NTNG1: variants seen among roughly 807,000 people sequenced by gnomAD.
The protein encoded by NTNG1 is netrin G1.
In NTNG1, 16 loss-of-function variants were observed where a neutral mutation model predicts 54.0. The ratio of observed to expected loss-of-function variants is 0.30; its 90% CI spans 0.20 to 0.45. NTNG1 has a LOEUF of 0.45. NTNG1 is among the 20% of genes least tolerant of loss of function. The probability of loss-of-function intolerance (pLI) is 1.00; values close to 1 mark genes in which losing one functional copy is unlikely to be tolerated. For synonymous variants in NTNG1, 255 were observed against 263.1 expected, an observed-to-expected ratio of 0.97 and a Z score of 0.30; for missense variants, 530 against 678.7, an observed-to-expected ratio of 0.78 and a Z score of 2.43.
rs1025503393 is a variant in NTNG1, at chr1:107,484,065, A to C, written c.*3225A>C. 6.6e-6 allele frequency among the ~76,000 whole-genome samples: 1 copy of C among 152,150 alleles called. No homozygotes were observed. Among genetic ancestry groups the C allele is most frequent in the Non-Finnish European group, 1.5e-5 (1 of 68,030 alleles). On this transcript the variant is annotated 3_prime_UTR_variant, in exon 8 of 8. Coordinates refer to ENST00000370068, the MANE Select transcript of NTNG1 (RefSeq NM_001113226.3). ...CCCCACACGCACACTTTTAGGCCAA[A>C]TGTAGGCCCCCTCTGGGGGTTTAAA...
At position 107,159,341 on chromosome 1, in the gene NTNG1, A is replaced by G. The variant is rs755999233; in HGVS notation, c.246+10502A>G. Among the ~76,000 whole-genome samples, 5 of 152,194 alleles carry G rather than the reference A, an allele frequency of 3.3e-5. No homozygotes were observed. The South Asian group carries it at 1.0e-3, about 31-fold the overall frequency. On this transcript the variant is annotated intron_variant, in intron 2 of 7. Transcript: ENST00000370068. ...AGCCATCACGGGAGACAGTGCTTTT[A>G]TAGTGCCGAGCATGGTGTGATGCAT...
At chr1:107,454,772 T>A (rs913425392) in intron 7 of NTNG1, among the ~76,000 whole-genome samples, 1 of 152,238 alleles carries the variant, frequency 6.6e-6, no homozygotes, top group Non-Finnish European at 1.5e-5. Flanking sequence ...CTTCGCATCA[T>A]TTTATCTGAT....
intron 3 of NTNG1, among the ~76,000 whole-genome samples, chr1:107,326,032 T>A (rs994366439): frequency 6.6e-6 from 1 of 152,092 alleles, no homozygotes; most frequent in Non-Finnish European, 1.5e-5. Context: ...TCTGGTCTGT[T>A]AGAGATTTGC....
intron 2 of NTNG1, among the ~76,000 whole-genome samples, chr1:107,198,369 G>GT (rs1284958522): frequency 1.3e-5 from 2 of 151,912 alleles, no homozygotes; most frequent in African/African-American, 4.8e-5. Context: ...GTACATGACA[G>GT]TTTCATTATA....
intron 5 of NTNG1, among the ~76,000 whole-genome samples, chr1:107,422,908 T>TA (rs1219543136): frequency 1.3e-5 from 2 of 152,050 alleles, no homozygotes; most frequent in African/African-American, 2.4e-5. Flanking sequence ...TGGGGAACAG[T>TA]AAAAACGAGG....
At chr1:107,478,368 A>G (rs916909381) in intron 7 of NTNG1, among the ~76,000 whole-genome samples, 8 of 152,202 alleles carry the variant, frequency 5.3e-5, no homozygotes, top group African/African-American at 1.7e-4. Context: ...ATTCTGGGCT[A>G]TATCTGTTCC....
At chr1:107,156,143 C>T (rs111692645) in intron 2 of NTNG1, among the ~76,000 whole-genome samples, 30 of 152,210 alleles carry the variant, frequency 2.0e-4, no homozygotes, top group African/African-American at 6.3e-4. Flanking sequence ...ATTTGATTAC[C>T]GTAATGTTTT....
Position 107,359,946 on chromosome 1 carries a change from A to G in NTNG1, c.887+35024A>G, listed in dbSNP as rs72985581. Among the ~76,000 whole-genome samples, 131 of 152,262 alleles carry G rather than the reference A, an allele frequency of 8.6e-4. 1 individual carries two copies. The highest frequency in any genetic ancestry group is 3.1e-3 in the African/African-American group (127 of 41,552). ...TGTAAACCCAAAACAGTTGGGCCCAATCTGGTCCCCAGATATATCTTATTT... is the reference window on the plus strand; with the variant it reads ...TGTAAACCCAAAACAGTTGGGCCCAGTCTGGTCCCCAGATATATCTTATTT... On this transcript the variant is annotated intron_variant, in intron 3 of 7. Coordinates refer to ENST00000370068, the MANE Select transcript of NTNG1 (RefSeq NM_001113226.3).
At chr1:107,210,778 T>A (rs1032532170) in intron 2 of NTNG1, among the ~76,000 whole-genome samples, 7 of 152,156 alleles carry the variant, frequency 4.6e-5, no homozygotes, top group African/African-American at 1.7e-4. Flanking sequence ...TCCATTTTCA[T>A]TTGGCCTCCC....
chr1:107,234,621 C>T (rs1376620930), intron 2 of NTNG1, among the ~76,000 whole-genome samples: 2 of 151,994 alleles, frequency 1.3e-5, no homozygotes, highest in African/African-American at 2.4e-5. Context: ...GGGTAAGTAA[C>T]ATGCCTAAGA....
intron 3 of NTNG1, among the ~76,000 whole-genome samples, chr1:107,345,895 G>A (rs1290793304): frequency 6.6e-6 from 1 of 152,136 alleles, no homozygotes. Context: ...AATTGAAAGT[G>A]TTCATTAGTT....
At chr1:107,337,584 G>A (rs2101915114) in intron 3 of NTNG1, among the ~76,000 whole-genome samples, 1 of 151,958 alleles carries the variant, frequency 6.6e-6, no homozygotes, top group Non-Finnish European at 1.5e-5. Context: ...CCACAAAACT[G>A]TACATTAATA....
chr1:107,252,989 T>C (rs1421620571), intron 2 of NTNG1, among the ~76,000 whole-genome samples: 1 of 152,226 alleles, frequency 6.6e-6, no homozygotes, highest in Non-Finnish European at 1.5e-5. Flanking sequence ...TCTTAGTGTA[T>C]TCTTGCAGAA....
intron 2 of NTNG1, among the ~76,000 whole-genome samples, chr1:107,275,157 A>G (rs1570560318): frequency 1.3e-5 from 2 of 152,266 alleles, no homozygotes; most frequent in East Asian, 1.9e-4. Flanking sequence ...CAGGTGGATC[A>G]CCTGAGGTCA....
intron 3 of NTNG1, among the ~76,000 whole-genome samples, chr1:107,373,323 A>T (rs1233879065): frequency 3.3e-5 from 5 of 152,098 alleles, no homozygotes; most frequent in African/African-American, 7.2e-5. Flanking sequence ...AGGTGATATC[A>T]TACCAGTTCA....
At chr1:107,374,976 C>G (rs1671139355) in intron 3 of NTNG1, among the ~76,000 whole-genome samples, 1 of 152,120 alleles carries the variant, frequency 6.6e-6, no homozygotes, top group Non-Finnish European at 1.5e-5. Context: ...ACTCAATGCC[C>G]TGTGAATTAG....
intron 2 of NTNG1, among the ~76,000 whole-genome samples, chr1:107,185,676 T>C (rs1205194779): frequency 6.6e-6 from 1 of 152,136 alleles, no homozygotes; most frequent in Non-Finnish European, 1.5e-5. Context: ...GAAAGTTACG[T>C]AGCATCGTTT....
chr1:107,326,275 A>G (rs1283593726), intron 3 of NTNG1, among the ~76,000 whole-genome samples: 2 of 152,106 alleles, frequency 1.3e-5, no homozygotes. Flanking sequence ...AATTTTGACC[A>G]AGATCTTGGT....
intron 2 of NTNG1, among the ~76,000 whole-genome samples, chr1:107,322,009 G>C (rs574610572): frequency 2.1e-4 from 32 of 152,302 alleles, no homozygotes; most frequent in African/African-American, 6.7e-4. Flanking sequence ...AATGTACGTA[G>C]TGTCCAGCAC....
Sources: gnomAD v4.1 joint callset for allele counts (sites outside exome capture counted in the v4.1 genomes callset) on GRCh38, gnomAD v4.1.1 for gene constraint, MANE v1.5 for transcripts, NCBI Gene and HGNC (gene_info 2026-07-23, HGNC 2026-07-21) for gene names.